Variants in RAD54L observed in about 807,000 individuals in gnomAD.
RAD54L encodes DNA repair and recombination protein RAD54-like.
In RAD54L, 74 loss-of-function variants were observed where a neutral mutation model predicts 91.6. The observed-to-expected ratio is 0.81, with a 90% CI of 0.67 to 0.98. The LOEUF is 0.98. Ranked by LOEUF, RAD54L falls within the 50% of genes least tolerant of loss-of-function variation. RAD54L has a pLI of 0.00. For missense variants in RAD54L, 887 were observed against 945.7 expected, an observed-to-expected ratio of 0.94 and a Z score of 0.81; for synonymous variants, 304 against 349.7, an observed-to-expected ratio of 0.87 and a Z score of 1.46.
intron 9 of RAD54L, among the ~76,000 whole-genome samples, chr1:46,269,633 T>C (rs1212723016): frequency 1.3e-5 from 2 of 152,188 alleles, no homozygotes; most frequent in African/African-American, 4.8e-5. Context: ...AATTTTAGAA[T>C]CAACTTGTCA....
intron 9 of RAD54L, among the ~76,000 whole-genome samples, chr1:46,269,310 CTTTT>C (rs76085646): frequency 5.0e-5 from 7 of 140,232 alleles, no homozygotes; most frequent in Non-Finnish European, 4.7e-5. Context: ...CAACTATAGT[CTTTT>C]TTTTTTTTTT....
rs888235109 is a variant in RAD54L at position 46,277,908 on chromosome 1, G to A, written c.1961G>A (p.Arg654His). ...GTGGATGAGGAGCAGGATGTAGAGC[G>A]CCACTTCTCTCTGGGCGAGTTGAAG... ...CVVDEEQDVE[R>H]HFSLGELKEL... is the part of the protein sequence containing the mutation. The change falls in exon 17 of 18, where the codon CGC becomes CAC. Residue 654 changes from arginine (R) to histidine (H), a missense_variant. Coordinates refer to ENST00000371975, the MANE Select transcript of RAD54L (RefSeq NM_003579.4). The A allele has an allele frequency of 5.6e-6, 9 of 1,613,978 alleles. No individual in the cohort carries two copies. The African/African-American group carries it at 6.7e-5, about 12-fold the overall frequency.
chr1:46,277,278 T>C (rs904975972), intron 16 of RAD54L, among the ~76,000 whole-genome samples: 1 of 152,232 alleles, frequency 6.6e-6, no homozygotes, highest in African/African-American at 2.4e-5. Flanking sequence ...ATTTTCAAGA[T>C]TGAGCTCAAG....
chr1:46,274,824 G>C lies in RAD54L; in HGVS notation c.1869+107G>C, dbSNP rs1660548314. 2.3e-6 allele frequency: 3 copies of C among 1,310,754 alleles called. No individual in the cohort carries two copies. In the African/African-American group the frequency reaches 4.4e-5, roughly 19 times the overall value. The allele number at this position is 1,310,754 out of a possible 1,614,324, so 81.2% of individuals were successfully genotyped here. ...TTTGGCCTTTCTGCCTCTAGCAGTA[G>C]CCAAGCTATGGGCCCAGAAGTGAGT... is the stretch of plus-strand genomic sequence containing the variant. On this transcript the variant is annotated intron_variant, in intron 16 of 17. Coordinates refer to ENST00000371975, the MANE Select transcript of RAD54L (RefSeq NM_003579.4).
At chr1:46,252,707 T>C (rs746025812) in intron 3 of RAD54L, among the ~76,000 whole-genome samples, 3 of 152,130 alleles carry the variant, frequency 2.0e-5, no homozygotes, top group African/African-American at 4.8e-5. Context: ...AAGTTCAATG[T>C]ATTATACAAG....
chr1:46,274,539 G>C lies in RAD54L; in HGVS notation c.1691G>C (p.Ser564Thr), dbSNP rs1175584876. 2 of 1,612,640 alleles carry C rather than the reference G, an allele frequency of 1.2e-6. No homozygotes were observed. The highest frequency in any genetic ancestry group is 1.7e-6 in the Non-Finnish European group (2 of 1,179,998). Reference sequence around the variant, plus strand: ...TTCTCCTGTTTCTTCTCTTTCCAGAGCCCTGACTTTGTCTTCATGCTGAGC... The same window carrying C: ...TTCTCCTGTTTCTTCTCTTTCCAGACCCCTGACTTTGTCTTCATGCTGAGC... The part of the protein sequence containing the change: ...KVVERFNSPS[S>T]PDFVFMLSSK... The change falls in exon 16 of 18, where the codon AGC becomes ACC. Residue 564 changes from serine (S) to threonine (T), a missense_variant and splice_region_variant. Ser to Thr is a moderately conservative substitution (Grantham distance 58, BLOSUM62 1). Transcript: ENST00000371975.
intron 3 of RAD54L, among the ~76,000 whole-genome samples, chr1:46,251,880 C>T (rs182484915): frequency 1.3e-5 from 2 of 152,292 alleles, no homozygotes; most frequent in Admixed American, 1.3e-4. Flanking sequence ...CATTGCACTC[C>T]AGCCTGGGTG....
intron 10 of RAD54L, among the ~76,000 whole-genome samples, chr1:46,271,102 G>T (rs1032569609): frequency 1.3e-5 from 2 of 152,166 alleles, no homozygotes; most frequent in Middle Eastern, 3.2e-3. Flanking sequence ...CCTGTCAGTT[G>T]GTCTCAGACC....
At chr1:46,262,609 A>G (rs1264174741) in intron 8 of RAD54L, among the ~76,000 whole-genome samples, 1 of 152,068 alleles carries the variant, frequency 6.6e-6, no homozygotes, top group East Asian at 1.9e-4. Flanking sequence ...AGTCAAATAC[A>G]CATTTGTCTG....
At chr1:46,254,624 T>G (rs1423346315) in intron 3 of RAD54L, among the ~76,000 whole-genome samples, 1 of 149,528 alleles carries the variant, frequency 6.7e-6, no homozygotes, top group East Asian at 2.0e-4. Context: ...GGTCTTGCTG[T>G]GTCACCCAGG....
At chr1:46,272,892 C>T (rs1402081225) in intron 12 of RAD54L, 90 bp downstream of exon 12, 20 of 1,546,754 alleles carry the variant, frequency 1.3e-5, no homozygotes, top group Middle Eastern at 3.8e-4. Context: ...CACTAAAACT[C>T]GTCCAGAGTC....
chr1:46,273,864 A>G, intron 14 of RAD54L, 117 bp downstream of exon 14: 3 of 1,413,524 alleles, frequency 2.1e-6, no homozygotes, highest in South Asian at 1.2e-5. Context: ...TTCCCTGGAG[A>G]TATCTTCCCT....
intron 8 of RAD54L, 120 bp from the exon 9 acceptor site, chr1:46,267,339 C>T: frequency 1.5e-6 from 2 of 1,335,412 alleles, no homozygotes; most frequent in African/African-American, 1.4e-5. Flanking sequence ...GCTGGGATTA[C>T]AGGCATGAGC....
chr1:46,262,501 C>A (rs1660158579), intron 8 of RAD54L, among the ~76,000 whole-genome samples: 1 of 152,066 alleles, frequency 6.6e-6, no homozygotes, highest in Admixed American at 6.6e-5. Flanking sequence ...CATAAAGGGG[C>A]AAGAGCAGGC....
intron 8 of RAD54L, among the ~76,000 whole-genome samples, chr1:46,264,480 T>A (rs2148292242): frequency 6.6e-6 from 1 of 152,398 alleles, no homozygotes; most frequent in African/African-American, 2.4e-5. Flanking sequence ...GGATCAGCTC[T>A]GGCTTTGCCA....
chr1:46,261,135 A>G, intron 7 of RAD54L, 120 bp downstream of exon 7: 7 of 1,544,502 alleles, frequency 4.5e-6, no homozygotes, highest in South Asian at 3.5e-5. Context: ...GAGAATTTCC[A>G]TTGAAAATAG....
At chr1:46,277,494 G>A in intron 16 of RAD54L, 1 of 426,106 alleles carries the variant, frequency 2.3e-6, no homozygotes, top group Non-Finnish European at 4.4e-6. Context: ...TTTATTGAAT[G>A]AGTTAGAGTT....
chr1:46,273,197 A>T (rs1660486055), intron 12 of RAD54L, among the ~76,000 whole-genome samples, 158 bp from the exon 13 acceptor site: 1 of 152,214 alleles, frequency 6.6e-6, no homozygotes, highest in South Asian at 2.1e-4. Context: ...CCCAGATGGC[A>T]CCGACTATAT....
chr1:46,250,836 A>G (rs1336825972), intron 3 of RAD54L, among the ~76,000 whole-genome samples: 1 of 149,838 alleles, frequency 6.7e-6, no homozygotes, highest in Non-Finnish European at 1.5e-5. Context: ...TTAACTGGGC[A>G]TGGTGTCATA....
Sources: allele counts gnomAD v4.1 joint callset (sites outside exome capture counted in the v4.1 genomes callset), GRCh38; gene constraint gnomAD v4.1.1; transcripts MANE v1.5; gene names NCBI Gene and HGNC (gene_info 2026-07-23, HGNC 2026-07-21).